The following PHACTR1 variants were observed in gnomAD, a reference collection of about 807,000 sequenced individuals.
PHACTR1 encodes the protein phosphatase and actin regulator 1, also known as RPEL repeat containing 1.
In PHACTR1, 16 loss-of-function variants were observed where a neutral mutation model predicts 69.2. The ratio of observed to expected loss-of-function variants is 0.23; its 90% confidence interval spans 0.16 to 0.35. The LOEUF is 0.35. PHACTR1 is among the 10% of genes least tolerant of loss of function. PHACTR1 has a pLI of 1.00. For missense variants in PHACTR1, 510 were observed against 734.7 expected, an observed-to-expected ratio of 0.69 and a Z score of 3.54; for synonymous variants, 312 against 284.5, an observed-to-expected ratio of 1.10 and a Z score of -0.97.
At chr6:13,070,450 T>C (rs1809334177) in intron 5 of PHACTR1, among the ~76,000 whole-genome samples, 1 of 152,178 alleles carries the variant, frequency 6.6e-6, no homozygotes, top group Admixed American at 6.5e-5. Flanking sequence ...TTATGCCTAA[T>C]ACCTGTTTGA....
intron 10 of PHACTR1, among the ~76,000 whole-genome samples, chr6:13,261,447 A>T (rs534449): frequency 0.084 from 12,765 of 152,276 alleles, 804 homozygotes; most frequent in Admixed American, 0.23. Context: ...TGCAGATGTC[A>T]TGGTGAACAA....
At position 13,019,854 on chromosome 6, in the gene PHACTR1, T is replaced by C. The variant is rs1457612317; in HGVS notation, c.251-33511T>C. On this transcript the variant is annotated intron_variant, in intron 4 of 14. Transcript: ENST00000332995. ...TCAATTTCTTCGGTTCACTAACTTA[T>C]ATATGAATGGTGAGAACTTTTTGGA... Among the ~76,000 whole-genome samples the C allele has an allele frequency of 4.6e-5, 7 of 152,338 alleles. No individual in the cohort carries two copies. In the South Asian group the frequency reaches 1.0e-3, roughly 23 times the overall value.
chr6:12,742,579 T>C (rs1055790482), intron 3 of PHACTR1, among the ~76,000 whole-genome samples: 4 of 152,188 alleles, frequency 2.6e-5, no homozygotes, highest in African/African-American at 9.7e-5. Flanking sequence ...GAATGCAGCC[T>C]GGTAGGTCTC....
At chr6:12,733,370 A>T (rs1763810818) in intron 3 of PHACTR1, among the ~76,000 whole-genome samples, 1 of 152,232 alleles carries the variant, frequency 6.6e-6, no homozygotes, top group South Asian at 2.1e-4. Flanking sequence ...TTGAAACTAC[A>T]AACCTATGAG....
chr6:12,805,489 G>A (rs1414603266), intron 4 of PHACTR1, among the ~76,000 whole-genome samples: 2 of 152,066 alleles, frequency 1.3e-5, no homozygotes, highest in Admixed American at 1.3e-4. Context: ...CATCTCTGAC[G>A]TCTGCCCCAC....
chr6:13,262,191 A>G (rs1477816414), intron 10 of PHACTR1, among the ~76,000 whole-genome samples: 2 of 152,130 alleles, frequency 1.3e-5, no homozygotes, highest in Admixed American at 6.5e-5. Flanking sequence ...TGGTTTGGAT[A>G]TAGGACTCTT....
intron 4 of PHACTR1, among the ~76,000 whole-genome samples, chr6:13,026,794 C>T (rs1252559065): frequency 1.3e-5 from 2 of 152,114 alleles, no homozygotes; most frequent in African/African-American, 4.8e-5. Context: ...ACCCCGTGCC[C>T]AGCCAAACCT....
At chr6:12,933,797 G>A in intron 4 of PHACTR1, 1 of 1,612,822 alleles carries the variant, frequency 6.2e-7, no homozygotes, top group Non-Finnish European at 8.5e-7. Flanking sequence ...CCCCAGTACA[G>A]GTGGACAATT....
chr6:13,232,605 G>T (rs188309847), intron 10 of PHACTR1, among the ~76,000 whole-genome samples: 27 of 152,222 alleles, frequency 1.8e-4, no homozygotes, highest in African/African-American at 5.5e-4. Flanking sequence ...ACTGAAATCT[G>T]TCCATGCCAC....
intron 5 of PHACTR1, among the ~76,000 whole-genome samples, chr6:13,138,931 T>TTA (rs1459717991): frequency 6.6e-6 from 1 of 152,158 alleles, no homozygotes; most frequent in Non-Finnish European, 1.5e-5. Context: ...CAAGGAAGAG[T>TTA]TAGGACTTAG....
chr6:13,079,085 T>C (rs1810984333), intron 5 of PHACTR1, among the ~76,000 whole-genome samples: 1 of 152,220 alleles, frequency 6.6e-6, no homozygotes, highest in Non-Finnish European at 1.5e-5. Flanking sequence ...GATATTTGAT[T>C]TTTCCAGATC....
intron 4 of PHACTR1, among the ~76,000 whole-genome samples, chr6:13,003,459 G>T (rs185743541): frequency 1.8e-4 from 27 of 152,066 alleles, no homozygotes; most frequent in African/African-American, 6.3e-4. Context: ...AAATTGAAAA[G>T]ATAGATTTAC....
At chr6:13,239,057 G>A (rs185420067) in intron 10 of PHACTR1, among the ~76,000 whole-genome samples, 3 of 152,288 alleles carry the variant, frequency 2.0e-5, no homozygotes, top group Non-Finnish European at 4.4e-5. Context: ...TGGAGGAGCA[G>A]GGAGTGGGGC....
chr6:13,167,750 A>G (rs752376233), intron 6 of PHACTR1, among the ~76,000 whole-genome samples: 11 of 152,204 alleles, frequency 7.2e-5, no homozygotes, highest in Non-Finnish European at 1.3e-4. Context: ...TTTTTCCTTA[A>G]TCAGGTTGGA....
intron 4 of PHACTR1, among the ~76,000 whole-genome samples, chr6:12,799,192 G>C (rs552311032): frequency 6.6e-6 from 1 of 152,094 alleles, no homozygotes; most frequent in African/African-American, 2.4e-5. Context: ...AATCAGTTTT[G>C]CTCAAGTCAT....
intron 5 of PHACTR1, among the ~76,000 whole-genome samples, chr6:13,157,452 A>G (rs1758350167): frequency 6.6e-6 from 1 of 152,202 alleles, no homozygotes; most frequent in South Asian, 2.1e-4. Flanking sequence ...TTTGGTCACC[A>G]TTATTTCCAG....
intron 5 of PHACTR1, among the ~76,000 whole-genome samples, chr6:13,059,967 G>A (rs1807434029): frequency 1.3e-5 from 2 of 152,066 alleles, no homozygotes; most frequent in Admixed American, 1.3e-4. Context: ...AAAGAAGAGG[G>A]CCAAGGACAG....
chr6:13,136,413 GAGTT>G (rs1821552952), intron 5 of PHACTR1, among the ~76,000 whole-genome samples: 1 of 152,226 alleles, frequency 6.6e-6, no homozygotes, highest in African/African-American at 2.4e-5. Context: ...GAATTGAAGA[GAGTT>G]AGGCTTTGCT....
chr6:13,100,350 C>G (rs79034418), intron 5 of PHACTR1, among the ~76,000 whole-genome samples: 1 of 152,090 alleles, frequency 6.6e-6, no homozygotes, highest in Non-Finnish European at 1.5e-5. Context: ...AGAACTATTT[C>G]TACATGTGTA....
Sources: allele counts gnomAD v4.1 joint callset (sites outside exome capture counted in the v4.1 genomes callset), GRCh38; gene constraint gnomAD v4.1.1; transcripts MANE v1.5; gene names NCBI Gene and HGNC (gene_info 2026-07-23, HGNC 2026-07-21).